CPQ: variants seen among roughly 807,000 people sequenced by gnomAD.
The protein encoded by CPQ is carboxypeptidase Q, also known as Ser-Met dipeptidase.
Under a neutral mutation model 45.7 loss-of-function variants are expected in CPQ, and 37 were observed. That is an observed-to-expected ratio of 0.81 (90% CI 0.62 to 1.07). The LOEUF is 1.07. Ranked by LOEUF, CPQ falls within the 50% of genes least tolerant of loss-of-function variation. The pLI, the probability that CPQ is intolerant of heterozygous loss-of-function variation, is 0.00. For synonymous variants in CPQ, 186 were observed against 205.8 expected (o/e 0.90, Z 0.82); for missense variants, 537 against 572.9 (o/e 0.94, Z 0.64).
chr8:96,804,625 T>A (rs1452673558), intron 2 of CPQ, among the ~76,000 whole-genome samples: 1 of 152,082 alleles, frequency 6.6e-6, no homozygotes, highest in Non-Finnish European at 1.5e-5. Flanking sequence ...ACTCTTTTGG[T>A]CACATAGGCA....
At chr8:96,885,138 A>G (rs777244992) in intron 4 of CPQ, among the ~76,000 whole-genome samples, 4 of 152,254 alleles carry the variant, frequency 2.6e-5, no homozygotes, top group Non-Finnish European at 5.9e-5. Flanking sequence ...GCATGGCACC[A>G]GCAATTTGCA....
intron 7 of CPQ, among the ~76,000 whole-genome samples, chr8:97,082,343 C>G (rs1810964199): frequency 6.6e-6 from 1 of 152,076 alleles, no homozygotes; most frequent in Non-Finnish European, 1.5e-5. Context: ...TTCATCCTAT[C>G]TGACCCGGTT....
At chr8:96,976,294 A>G (rs1813783674) in intron 5 of CPQ, among the ~76,000 whole-genome samples, 1 of 150,490 alleles carries the variant, frequency 6.6e-6, no homozygotes, top group Non-Finnish European at 1.5e-5. Context: ...TACCTAACCA[A>G]GGACGTGAAA....
intron 6 of CPQ, among the ~76,000 whole-genome samples, chr8:97,060,434 C>G (rs979877315): frequency 6.6e-6 from 1 of 152,026 alleles, no homozygotes; most frequent in Admixed American, 6.6e-5. Flanking sequence ...TATGATCTGA[C>G]CATAAGAGGT....
intron 5 of CPQ, among the ~76,000 whole-genome samples, chr8:96,973,724 C>T (rs1813721736): frequency 6.6e-6 from 1 of 152,094 alleles, no homozygotes; most frequent in Non-Finnish European, 1.5e-5. Context: ...TTTTAGCCTC[C>T]TTAAACAAAA....
chr8:97,029,331 G>A (rs1809853641), intron 5 of CPQ, 72 bp from the exon 6 acceptor site: 6 of 1,420,092 alleles, frequency 4.2e-6, no homozygotes, highest in Non-Finnish European at 4.8e-6. Flanking sequence ...AGGCAGATGA[G>A]GGACCCTGCC....
chr8:96,786,386 A>G (rs1302496362), intron 2 of CPQ, among the ~76,000 whole-genome samples: 1 of 152,080 alleles, frequency 6.6e-6, no homozygotes, highest in Admixed American at 6.6e-5. Context: ...ATAATATTCC[A>G]TTTTATGGAT....
At chr8:96,889,797 A>G (rs1009275032) in intron 4 of CPQ, among the ~76,000 whole-genome samples, 1 of 152,168 alleles carries the variant, frequency 6.6e-6, no homozygotes, top group Admixed American at 6.5e-5. Context: ...AGAAAGGTGG[A>G]GGTCAGAAGA....
chr8:96,779,853 C>T (rs1010973948), intron 1 of CPQ, among the ~76,000 whole-genome samples: 1 of 152,080 alleles, frequency 6.6e-6, no homozygotes, highest in Non-Finnish European at 1.5e-5. Context: ...CTTTTAAAAA[C>T]AAGTATCAGT....
intron 1 of CPQ, among the ~76,000 whole-genome samples, chr8:96,707,084 T>C (rs181536490): frequency 6.6e-6 from 1 of 152,164 alleles, no homozygotes; most frequent in East Asian, 1.9e-4. Flanking sequence ...CCACTTTTGA[T>C]CTAGGGGAAA....
intron 1 of CPQ, among the ~76,000 whole-genome samples, chr8:96,670,570 C>T (rs1371102388): frequency 6.6e-6 from 1 of 151,846 alleles, no homozygotes; most frequent in Non-Finnish European, 1.5e-5. Context: ...ATGATAAAAG[C>T]CTTATGCTAA....
intron 5 of CPQ, among the ~76,000 whole-genome samples, chr8:97,027,013 A>T (rs1397235829): frequency 1.3e-5 from 2 of 151,676 alleles, no homozygotes; most frequent in Non-Finnish European, 2.9e-5. Context: ...GGAGATATGT[A>T]AAAAAAAGTG....
At chr8:96,960,096 T>C (rs2130353125) in intron 4 of CPQ, among the ~76,000 whole-genome samples, 1 of 152,298 alleles carries the variant, frequency 6.6e-6, no homozygotes, top group Non-Finnish European at 1.5e-5. Flanking sequence ...AAGCTAAGCA[T>C]GCCAAGAAAA....
At chr8:96,781,818 G>A (rs1007439940) in intron 1 of CPQ, among the ~76,000 whole-genome samples, 6 of 152,204 alleles carry the variant, frequency 3.9e-5, no homozygotes, top group Non-Finnish European at 5.9e-5. Context: ...GGTGGGACAG[G>A]TATAGGATAG....
At chr8:96,657,250 C>T (rs928880614) in intron 1 of CPQ, among the ~76,000 whole-genome samples, 1 of 151,988 alleles carries the variant, frequency 6.6e-6, no homozygotes, top group Non-Finnish European at 1.5e-5. Flanking sequence ...GAGGCTGAGG[C>T]AGGAGAATCA....
chr8:97,090,659 G>A (rs888297537), intron 7 of CPQ, among the ~76,000 whole-genome samples: 2 of 152,128 alleles, frequency 1.3e-5, no homozygotes, highest in African/African-American at 4.8e-5. Flanking sequence ...TAACCAGTCT[G>A]GGATATGGTA....
intron 2 of CPQ, among the ~76,000 whole-genome samples, chr8:96,820,615 C>T (rs905945305): frequency 6.6e-6 from 1 of 151,888 alleles, no homozygotes; most frequent in African/African-American, 2.4e-5. Flanking sequence ...TCTTCAATTC[C>T]ATCTATGTTG....
At chr8:96,686,884 T>G (rs1456036060) in intron 1 of CPQ, among the ~76,000 whole-genome samples, 1 of 152,144 alleles carries the variant, frequency 6.6e-6, no homozygotes, top group East Asian at 1.9e-4. Context: ...TATGTTAGAT[T>G]TTCAAATTTA....
intron 1 of CPQ, among the ~76,000 whole-genome samples, chr8:96,748,242 A>G (rs1810214875): frequency 6.6e-6 from 1 of 152,176 alleles, no homozygotes; most frequent in Non-Finnish European, 1.5e-5. Context: ...AACACAAAAA[A>G]TGTCCCTCAC....
Sources: allele counts gnomAD v4.1 joint callset (sites outside exome capture counted in the v4.1 genomes callset), GRCh38; gene constraint gnomAD v4.1.1; transcripts MANE v1.5; gene names NCBI Gene and HGNC (gene_info 2026-07-23, HGNC 2026-07-21).